Variants in COMMD5 observed in about 807,000 individuals in gnomAD.
The protein encoded by COMMD5 is COMM domain-containing protein 5.
In COMMD5, 10 loss-of-function variants were observed where a neutral mutation model predicts 6.9. The observed-to-expected ratio is 1.44, with a 90% CI of 0.89 to 2.45. COMMD5 has a LOEUF of 2.45. COMMD5 is among the 30% of genes most tolerant of loss of function. COMMD5 has a pLI of 0.00. For synonymous variants in COMMD5, 127 were observed against 125.3 expected (o/e 1.01, Z -0.09); for missense variants, 234 against 287.8 (o/e 0.81, Z 1.35).
exon 2 of COMMD5, chr8:144,841,230 C>A: frequency 1.0e-6 from 1 of 966,380 alleles, no homozygotes; most frequent in Non-Finnish European, 1.5e-6. Context: ...CACGTTTCCA[C>A]CTGGGGCCTC....
chr8:144,847,326 T>C (rs1462953472), downstream of COMMD5: 1 of 152,288 alleles, frequency 6.6e-6, no homozygotes, highest in Non-Finnish European at 1.5e-5. Context: ...ACGCCTGTAA[T>C]TCCAGCACTT....
chr8:144,843,460 C>A (rs549963232), intron 1 of COMMD5: 15 of 238,594 alleles, frequency 6.3e-5, no homozygotes, highest in Non-Finnish European at 1.2e-4. Flanking sequence ...TGGTGGCAGG[C>A]ACCTGTGGTC....
downstream of COMMD5, among the ~76,000 whole-genome samples, chr8:144,848,686 C>G (rs1830615805): frequency 6.6e-6 from 1 of 152,168 alleles, no homozygotes; most frequent in Admixed American, 6.5e-5. Context: ...GCCTCTAAGT[C>G]TGCTCCACGC....
downstream of COMMD5, among the ~76,000 whole-genome samples, chr8:144,840,720 A>G (rs1303114147): frequency 6.6e-6 from 1 of 152,064 alleles, no homozygotes; most frequent in African/African-American, 2.4e-5. Flanking sequence ...GTGGTCTTAG[A>G]GGTGGCCACG....
chr8:144,841,916 G>T (rs1829970699), intron 1 of COMMD5: 4 of 1,614,116 alleles, frequency 2.5e-6, no homozygotes, highest in Non-Finnish European at 3.4e-6. Context: ...CAGCATCAGA[G>T]AATCCACACG....
intron 1 of COMMD5, among the ~76,000 whole-genome samples, chr8:144,844,709 C>CAAAAAAAAAAA (rs71320849): frequency 4.5e-5 from 4 of 88,614 alleles, no homozygotes; most frequent in African/African-American, 1.7e-4. Context: ...GACTCTGTAT[C>CAAAAAAAAAAA]AAAAAAAAAA....
chr8:144,840,924 A>G (rs1019226442), downstream of COMMD5: 20 of 161,876 alleles, frequency 1.2e-4, no homozygotes. Context: ...TTTCCTCATC[A>G]CAATCCATGC....
At chr8:144,843,513 A>G (rs1026790514) in intron 1 of COMMD5, 35 of 165,002 alleles carry the variant, frequency 2.1e-4, no homozygotes, top group Middle Eastern at 2.8e-3. Flanking sequence ...GCATCAGCCC[A>G]GGAGGCGGAG....
chr8:144,843,458 G>C (rs892455495), intron 1 of COMMD5: 26 of 242,116 alleles, frequency 1.1e-4, no homozygotes, highest in East Asian at 2.7e-4. Context: ...CGTGGTGGCA[G>C]GCACCTGTGG....
downstream of COMMD5, chr8:144,846,602 G>A (rs569232328): frequency 1.2e-3 from 202 of 169,386 alleles, 3 homozygotes; most frequent in Admixed American, 7.8e-4. Context: ...TAAATGTCAC[G>A]GTACAACTGA....
chr8:144,843,221 A>AGG (rs1830204411), intron 1 of COMMD5: 2 of 1,496,078 alleles, frequency 1.3e-6, no homozygotes, highest in African/African-American at 2.8e-5. Context: ...GCCTTAACTT[A>AGG]CTTATTTTAT....
At position 144,850,855 on chromosome 8, in the gene COMMD5, C is replaced by T. The variant is rs1037948600; in HGVS notation, c.484G>A (p.Ala162Thr). Residue 162 changes from alanine to threonine, a missense_variant, in exon 2 of 2, where the codon GCA (alanine) becomes ACA (threonine). Physicochemically the swap from Ala to Thr is moderately conservative, Grantham distance 58. Transcript: ENST00000305103. The surrounding 1 kb of genome is among the most constrained non-coding windows in gnomAD (Gnocchi z 4.0). The stretch of plus-strand genomic sequence containing the variant: ...CGAGCCAGGGCACTGGTGGAGATTG[C>T]TACATCCACCCGCCACCGAAAGTCA... The part of the protein sequence containing the change: ...VADFRWRVDV[A>T]ISTSALARSL... 2 of 1,613,282 alleles carry T rather than the reference C, an allele frequency of 1.2e-6. No individual in the cohort carries two copies. The highest frequency in any genetic ancestry group is 2.7e-5 in the African/African-American group (2 of 74,936).
rs774152794 is a variant in COMMD5 at position 144,842,194 on chromosome 8, C to A, written c.*117-451G>T. Reference sequence around the variant, plus strand: ...AACTCACACTGGGGAGAGGCCCTACCCTTGCAAGGAGTGTGGGAAGGCCTT... The same window carrying A: ...AACTCACACTGGGGAGAGGCCCTACACTTGCAAGGAGTGTGGGAAGGCCTT... On this transcript the variant is annotated intron_variant and NMD_transcript_variant, in intron 1 of 1. Coordinates refer to the COMMD5 transcript ENST00000530332. 9 of 1,613,066 alleles carry A rather than the reference C, an allele frequency of 5.6e-6. No individual in the cohort carries two copies. The East Asian group carries it at 1.6e-4, about 28-fold the overall frequency.
rs143341589 is a variant in COMMD5 at position 144,843,367 on chromosome 8, A to G, written c.*117-1624T>C. On this transcript the variant is annotated intron_variant and NMD_transcript_variant, in intron 1 of 1. Coordinates refer to the COMMD5 transcript ENST00000530332. ...CACTTTGGGAGGCCAAGGCGGGCAC[A>G]TCACGAGGTCAGGAGGTTGAGACCA... 218 of 572,280 alleles carry G rather than the reference A, an allele frequency of 3.8e-4. 1 individual carries two copies. Among genetic ancestry groups the G allele is most frequent in the African/African-American group, 3.6e-3 (189 of 52,254 alleles). 35.5% of individuals were successfully genotyped at this position (572,280 alleles called of 1,614,324 possible). A position where few individuals can be genotyped will look rare whatever the true frequency, so the allele number is the denominator to read the frequency against.
At chr8:144,851,691 T>C (rs1034046784) in intron 1 of COMMD5, among the ~76,000 whole-genome samples, 7 of 151,806 alleles carry the variant, frequency 4.6e-5, no homozygotes, top group African/African-American at 1.7e-4. Flanking sequence ...AGTAAATTAA[T>C]AGATGAAAGA....
In COMMD5 at chr8:144,851,323, C is replaced by T. The variant is rs1209879; in HGVS notation, c.16G>A (p.Ala6Thr). The T allele has an allele frequency of 0.35, 556,447 of 1,608,156 alleles. 100,539 individuals are homozygous for T. Among genetic ancestry groups the T allele is most frequent in the South Asian group, 0.45 (40,964 of 90,794 alleles). Residue 6 changes from alanine to threonine, a missense_variant, in exon 2 of 2, where the codon GCT becomes ACT. By Grantham distance (58) the Ala-to-Thr change is moderately conservative. Transcript: ENST00000305103. ...GGATGATGCAGGTATGGAGTTGCAG[C>T]CCCCACAGCAGACATTGCTGCTGCT... is the stretch of plus-strand genomic sequence containing the variant. Reference protein sequence around the residue: MSAVGAATPYLHHPGD... With the variant: MSAVGTATPYLHHPGD...
At chr8:144,841,872 T>G in intron 1 of COMMD5, 1 of 1,614,070 alleles carries the variant, frequency 6.2e-7, no homozygotes, top group South Asian at 1.1e-5. Context: ...GTGCAGAGTG[T>G]GGGAAAGTCT....
At chr8:144,846,275 C>T (rs1238824521), downstream of COMMD5, 5 of 1,219,048 alleles carry the variant, frequency 4.1e-6, no homozygotes, top group South Asian at 1.5e-5. Flanking sequence ...TCTGCTTCAG[C>T]ACCTGGATTC....
At chr8:144,844,435 GC>G (rs956668215) in intron 1 of COMMD5, among the ~76,000 whole-genome samples, 2 of 152,182 alleles carry the variant, frequency 1.3e-5, no homozygotes, top group Admixed American at 1.3e-4. Context: ...AATGGGCCGG[GC>G]GTGGTGGCTC....
Sources: allele counts gnomAD v4.1 joint callset (sites outside exome capture counted in the v4.1 genomes callset), GRCh38; gene constraint gnomAD v4.1.1; non-coding constraint Gnocchi (gnomAD v3.1); transcripts MANE v1.5; gene names NCBI Gene and HGNC (gene_info 2026-07-23, HGNC 2026-07-21).